Variants in KIF19 observed in about 807,000 individuals in gnomAD.
The protein encoded by KIF19 is kinesin-like protein KIF19.
In KIF19, 98 loss-of-function variants were observed where a neutral mutation model predicts 106.6. The ratio of observed to expected loss-of-function variants is 0.92; its 90% confidence interval spans 0.78 to 1.09. The LOEUF is 1.09. KIF19 is among the 50% of genes least tolerant of loss of function. The pLI is 0.00. For synonymous variants in KIF19, 516 were observed against 584.2 expected (o/e 0.88, Z 1.68); for missense variants, 1,373 against 1,414.3 (o/e 0.97, Z 0.47).
rs760064639 is a variant in KIF19 at position 74,350,572 on chromosome 17, C to G, written c.1385C>G (p.Ala462Gly). The G allele has an allele frequency of 6.2e-7, 1 of 1,612,798 alleles. No individual in the cohort carries two copies. Among genetic ancestry groups the G allele is most frequent in the Non-Finnish European group, 8.5e-7 (1 of 1,179,746 alleles). Residue 462 changes from alanine (A) to glycine (G), a missense_variant, in exon 11 of 20, where the codon GCC (alanine) becomes GGC (glycine). This residue lies in a region of KIF19 where 1,020 missense variants were observed against 1,008.2 expected (regional missense o/e 1.01). Transcript: ENST00000389916. Reference protein sequence around the residue: ...IDTSRHLLTIAGWKHEKSRRA... With the variant: ...IDTSRHLLTIGGWKHEKSRRA... Reference sequence around the variant, plus strand: ...ACCTCCCGACACCTGCTCACCATCGCCGGGTAAGCCCCCCTCCCAGGACCC... The same window carrying G: ...ACCTCCCGACACCTGCTCACCATCGGCGGGTAAGCCCCCCTCCCAGGACCC...
rs1831742354 is a variant in KIF19 at position 74,346,476 on chromosome 17, C to T, written c.876C>T (p.Ser292=). 1 of 1,553,138 alleles carries T rather than the reference C, an allele frequency of 6.4e-7. No homozygotes were observed. ...NCINALSDKG[S]NKYINYRDSK... is the part of the protein sequence containing the mutation. ...TCAACGCCCTGAGCGACAAGGGTAG[C>T]AACAAGTACATCAACTATCGCGACA... The change falls in exon 8 of 20, where the codon AGC becomes AGT. Residue 292 remains serine, a synonymous_variant. Transcript: ENST00000389916. This position sits in a 1 kb window ranked among gnomAD's most constrained non-coding sequence, Gnocchi z 4.6.
At chr17:74,344,991 G>A (rs2054495790) in intron 7 of KIF19, 36 bp downstream of exon 7, 2 of 1,553,636 alleles carry the variant, frequency 1.3e-6, no homozygotes, top group Non-Finnish European at 1.7e-6. Flanking sequence ...GAGGAGGGAG[G>A]GTTGACCCAG....
chr17:74,326,273 A>G lies in KIF19; in HGVS notation c.-77A>G. On this transcript the variant is annotated 5_prime_UTR_variant, in exon 1 of 20. Coordinates refer to ENST00000389916, the MANE Select transcript of KIF19 (RefSeq NM_153209.4). ...GCGGCGGGCAGCTAGCAGCTGGCGG[A>G]CGCGACCCGGAGGCGGTGGGGGTGC... 3 of 1,396,620 alleles carry G rather than the reference A, an allele frequency of 2.1e-6. No homozygotes were observed. Among genetic ancestry groups the G allele is most frequent in the East Asian group, 2.6e-5 (1 of 38,536 alleles). The allele number at this position is 1,396,620 out of a possible 1,614,324, so 86.5% of individuals were successfully genotyped here.
Position 74,350,507 on chromosome 17 carries a change from G to A in KIF19, c.1320G>A (p.Leu440=), listed in dbSNP as rs1461491321. The A allele has an allele frequency of 1.2e-6, 2 of 1,612,612 alleles. No individual in the cohort carries two copies. Among genetic ancestry groups the A allele is most frequent in the African/African-American group, 1.3e-5 (1 of 74,950 alleles). ...AGCAGATGGATGTGCGGAGGCGCCT[G>A]CTGGAGCTGGAGAACCGCGCCATGG... is the stretch of plus-strand genomic sequence containing the variant. The part of the protein sequence containing the change: ...FQEQMDVRRR[L]LELENRAMEV... The change falls in exon 11 of 20, where the codon CTG becomes CTA. Residue 440 remains leucine, a synonymous_variant. Coordinates refer to ENST00000389916, the MANE Select transcript of KIF19 (RefSeq NM_153209.4).
At position 74,350,913 on chromosome 17, in the gene KIF19, G is replaced by C. The variant is rs778584008; in HGVS notation, c.1587+8G>C. The C allele has an allele frequency of 1.4e-5, 22 of 1,613,164 alleles. No individual in the cohort carries two copies. In the African/African-American group the frequency reaches 2.5e-4, roughly 19 times the overall value. On this transcript the variant is annotated splice_region_variant and intron_variant, in intron 12 of 19. Coordinates refer to ENST00000389916, the MANE Select transcript of KIF19 (RefSeq NM_153209.4). ...CAACTGCGCAAGCAGAAGGTGTCCAGGGTTTGGGGGGACAAGGAGAGTGGG... is the reference window on the plus strand; with the variant it reads ...CAACTGCGCAAGCAGAAGGTGTCCACGGTTTGGGGGGACAAGGAGAGTGGG...
At chr17:74,337,421 G>A (rs915374377) in intron 2 of KIF19, among the ~76,000 whole-genome samples, 37 of 152,184 alleles carry the variant, frequency 2.4e-4, no homozygotes, top group Middle Eastern at 3.2e-3. Context: ...TCTGTGCAGT[G>A]AAGAGCCTTG....
rs762769028 is a variant in KIF19, at chr17:74,352,970, C to T, written c.2114+16C>T. ...GCACAGAGAGGTGAGATGGGGGCCA[C>T]CTGCCCCAGCCCCCACCCTGTGCCC... On this transcript the variant is annotated intron_variant, in intron 15 of 19. Coordinates refer to ENST00000389916, the MANE Select transcript of KIF19 (RefSeq NM_153209.4). 21 of 1,613,042 alleles carry T rather than the reference C, an allele frequency of 1.3e-5. No homozygotes were observed. The highest frequency in any genetic ancestry group is 1.7e-5 in the Admixed American group (1 of 59,994).
intron 2 of KIF19, among the ~76,000 whole-genome samples, chr17:74,340,551 G>GCT (rs1374639070): frequency 1.7e-3 from 1 of 596 alleles, no homozygotes; most frequent in Non-Finnish European, 4.9e-3. Context: ...AGGTATGCGC[G>GCT]CGCGTACACA....
chr17:74,338,085 G>T (rs78336490), intron 2 of KIF19, among the ~76,000 whole-genome samples: 10,098 of 152,342 alleles, frequency 0.066, 417 homozygotes, highest in Middle Eastern at 0.095. Context: ...TCTGGAGGTT[G>T]TATGAAGGTC....
chr17:74,347,849 TC>T lies in KIF19; in HGVS notation c.1000del (p.Arg334GlyfsTer4). The T allele has an allele frequency of 6.3e-7, 1 of 1,586,508 alleles. No homozygotes were observed. The highest frequency in any genetic ancestry group is 8.6e-7 in the Non-Finnish European group (1 of 1,167,044). On this transcript the variant is annotated frameshift_variant, in exon 9 of 20. Transcript: ENST00000389916. LOFTEE classifies it high-confidence loss of function. ...TCCTGCGAGCAGTGCCTTCGAGGAG[TC>T]CCGGAACACCCTGACCTACGCCGGC... ...ISPASSAFEE[S>X]RNTLTYAGRA...
rs753223269 is a variant in KIF19 at position 74,353,506 on chromosome 17, G to C, written c.2233G>C (p.Asp745His). The change falls in exon 17 of 20, where the codon GAC (aspartate) becomes CAC (histidine). Residue 745 changes from aspartate (D) to histidine (H), a missense_variant. This residue lies in a region of KIF19 where 1,020 missense variants were observed against 1,008.2 expected (regional missense o/e 1.01). Coordinates refer to ENST00000389916, the MANE Select transcript of KIF19 (RefSeq NM_153209.4). The part of the protein sequence containing the change: ...SLVTQEAPAQ[D>H]SLGSWINSSP... The stretch of plus-strand genomic sequence containing the variant: ...CTCCACCCCACAGGCCCCGGCTCAG[G>C]ACAGCCTGGGCAGCTGGATCAACTC... 1 of 1,613,862 alleles carries C rather than the reference G, an allele frequency of 6.2e-7. No individual in the cohort carries two copies. Among genetic ancestry groups the C allele is most frequent in the Non-Finnish European group, 8.5e-7 (1 of 1,179,862 alleles).
chr17:74,340,857 C>A (rs1439731721), intron 2 of KIF19, among the ~76,000 whole-genome samples: 2 of 152,238 alleles, frequency 1.3e-5, no homozygotes, highest in African/African-American at 4.8e-5. Context: ...GCGGAGCAGG[C>A]AGGGCTGTAG....
intron 15 of KIF19, 65 bp from the exon 16 acceptor site, chr17:74,353,131 G>T: frequency 6.9e-7 from 1 of 1,455,088 alleles, no homozygotes; most frequent in Non-Finnish European, 9.5e-7. Context: ...CTCCCCTGGG[G>T]TGGGGGTGGG....
rs1006853596 is a variant in KIF19, at chr17:74,331,618, C to T, written c.120+3113C>T. 1.3e-5 allele frequency among the ~76,000 whole-genome samples: 2 copies of T among 151,778 alleles called. No individual in the cohort carries two copies. The highest frequency in any genetic ancestry group is 1.3e-4 in the Admixed American group (2 of 15,230). On this transcript the variant is annotated intron_variant, in intron 2 of 19. Coordinates refer to ENST00000389916, the MANE Select transcript of KIF19 (RefSeq NM_153209.4). The surrounding 1 kb of genome is among the most constrained non-coding windows in gnomAD (Gnocchi z 4.1). Reference sequence around the variant, plus strand: ...TTGTGATGGAGTCTTGCTCTGTCACCTAGGCTGGAGTACAGTGGTGCAATC... The same window carrying T: ...TTGTGATGGAGTCTTGCTCTGTCACTTAGGCTGGAGTACAGTGGTGCAATC...
rs200105475 is a variant in KIF19, at chr17:74,344,338, A to G, written c.572A>G (p.Asn191Ser). The G allele has an allele frequency of 1.9e-6, 3 of 1,612,504 alleles. No individual in the cohort carries two copies. In the East Asian group the frequency reaches 6.7e-5, roughly 36 times the overall value. Residue 191 changes from asparagine (N) to serine (S), a missense_variant, in exon 6 of 20, where the codon AAT becomes AGT. This residue lies in a region of KIF19 where 348 missense variants were observed against 389.5 expected (regional missense o/e 0.89). Transcript: ENST00000389916. ...GGCATCACCGAAGTCTCCACCATCA[A>G]TGCCAAGGAGGCGAGTTTTGTGTGG... The part of the protein sequence containing the change: ...VAGITEVSTI[N>S]AKEIMQLLMK...
chr17:74,342,019 A>G, intron 3 of KIF19, 33 bp downstream of exon 3: 1 of 1,405,882 alleles, frequency 7.1e-7, no homozygotes, highest in Non-Finnish European at 9.4e-7. Flanking sequence ...GACACGCAGG[A>G]GCCCCTCCCC....
intron 15 of KIF19, 49 bp downstream of exon 15, chr17:74,353,003 G>T (rs1368625373): frequency 4.4e-6 from 7 of 1,607,846 alleles, no homozygotes; most frequent in Non-Finnish European, 3.4e-6. Flanking sequence ...CCCTGTCCCA[G>T]AGAGGCCAAC....
chr17:74,345,304 C>G (rs1465491948), intron 7 of KIF19, among the ~76,000 whole-genome samples: 1 of 151,930 alleles, frequency 6.6e-6, no homozygotes, highest in Non-Finnish European at 1.5e-5. Flanking sequence ...TGTGGCTGCC[C>G]TAGGGGAGGG....
chr17:74,327,851 C>T (rs960263476), intron 1 of KIF19, among the ~76,000 whole-genome samples: 2 of 152,362 alleles, frequency 1.3e-5, no homozygotes, highest in South Asian at 2.1e-4. Context: ...CAGCACAAGA[C>T]GTGCTCCCCA....
Sources: allele counts gnomAD v4.1 joint callset (sites outside exome capture counted in the v4.1 genomes callset), GRCh38; gene constraint gnomAD v4.1.1; regional missense constraint gnomAD v4.1.1; non-coding constraint Gnocchi (gnomAD v3.1); transcripts MANE v1.5; gene names NCBI Gene and HGNC (gene_info 2026-07-23, HGNC 2026-07-21).